WDR47: variants seen among roughly 807,000 people sequenced by gnomAD.
The protein encoded by WDR47 is WD repeat domain 47.
Under a neutral mutation model 97.2 loss-of-function variants are expected in WDR47, and 32 were observed. The observed-to-expected ratio is 0.33, with a 90% CI of 0.25 to 0.44. The LOEUF (loss-of-function observed/expected upper bound fraction) is 0.44, where lower values mean the gene tolerates loss of function less well. Ranked by LOEUF, WDR47 falls within the 20% of genes least tolerant of loss-of-function variation. The pLI is 1.00. For missense variants in WDR47, 782 were observed against 1,102.3 expected (o/e 0.71, Z 4.11); for synonymous variants, 375 against 373.5 (o/e 1.00, Z -0.05).
chr1:109,002,435 G>A (rs1660287330), intron 6 of WDR47, 33 bp from the exon 7 acceptor site: 3 of 1,483,042 alleles, frequency 2.0e-6, no homozygotes, highest in Non-Finnish European at 2.7e-6. Context: ...ATATATATTT[G>A]AGCAAACTAT....
chr1:109,022,622 C>T (rs1661927783), intron 2 of WDR47, among the ~76,000 whole-genome samples: 3 of 152,036 alleles, frequency 2.0e-5, no homozygotes, highest in Non-Finnish European at 2.9e-5. Context: ...TCTCACTCTG[C>T]TGCCCAGGCT....
chr1:109,022,102 A>T lies in WDR47; in HGVS notation c.158+1253T>A, dbSNP rs116015093. Among the ~76,000 whole-genome samples, 952 of 152,050 alleles carry T rather than the reference A, an allele frequency of 6.3e-3. 3 individuals are homozygous for T. The highest frequency in any genetic ancestry group is 0.021 in the African/African-American group (880 of 41,494). ...ACCTCAGGTGATCCGCCTGCCTTGG[A>T]CTCGCAAATGGCTAGGATTGCAGGT... On this transcript the variant is annotated intron_variant, in intron 2 of 14. Coordinates refer to ENST00000369962, the MANE Select transcript of WDR47 (RefSeq NM_001142551.2).
At chr1:108,976,748 C>T (rs188022435) in intron 13 of WDR47, among the ~76,000 whole-genome samples, 10 of 152,118 alleles carry the variant, frequency 6.6e-5, no homozygotes, top group African/African-American at 1.7e-4. Flanking sequence ...CCTAAAGACA[C>T]GAAGGACCTA....
chr1:109,011,556 A>C lies in WDR47; in HGVS notation c.490T>G (p.Cys164Gly). The C allele has an allele frequency of 6.2e-7, 1 of 1,614,196 alleles. No homozygotes were observed. The highest frequency in any genetic ancestry group is 1.1e-5 in the South Asian group (1 of 91,084). The stretch of plus-strand genomic sequence containing the variant: ...ACCATGACACAAGCCTCTTCAAAAC[A>C]GTGAACTCGTGCGGTGCTGGGATTC... Reference protein sequence around the residue: ...DWNPSTARVHCFEEACVMVAE... With the variant: ...DWNPSTARVHGFEEACVMVAE... The change falls in exon 5 of 15, where the codon TGT becomes GGT. Residue 164 changes from cysteine (C) to glycine (G), a missense_variant. Transcript: ENST00000369962.
intron 4 of WDR47, among the ~76,000 whole-genome samples, chr1:109,012,572 C>A (rs376915622): frequency 4.5e-3 from 333 of 73,820 alleles, no homozygotes; most frequent in South Asian, 8.2e-3. Flanking sequence ...GACTCCATCT[C>A]AAAAAAAAAA....
intron 12 of WDR47, 92 bp downstream of exon 12, chr1:108,982,517 G>T: frequency 6.9e-7 from 1 of 1,452,496 alleles, no homozygotes; most frequent in South Asian, 1.4e-5. Flanking sequence ...GTAAGAGCAA[G>T]ACCCTGTCTC....
chr1:108,997,450 G>GA (rs1418204807), intron 7 of WDR47, among the ~76,000 whole-genome samples: 1 of 149,380 alleles, frequency 6.7e-6, no homozygotes, highest in Non-Finnish European at 1.5e-5. Context: ...AAAAGAAAAA[G>GA]AAAAAAAAGG....
intron 7 of WDR47, among the ~76,000 whole-genome samples, chr1:108,996,134 G>A (rs1015290824): frequency 2.0e-5 from 3 of 152,074 alleles, no homozygotes; most frequent in Non-Finnish European, 4.4e-5. Flanking sequence ...TGGCATGATC[G>A]TGGCTCACTG....
intron 5 of WDR47, among the ~76,000 whole-genome samples, chr1:109,006,685 A>C (rs1660649611): frequency 6.6e-6 from 1 of 152,216 alleles, no homozygotes; most frequent in Non-Finnish European, 1.5e-5. Flanking sequence ...AAGATTGCAT[A>C]GCTAGAAAAT....
At chr1:109,018,975 G>A (rs569323335) in intron 2 of WDR47, among the ~76,000 whole-genome samples, 71 of 152,172 alleles carry the variant, frequency 4.7e-4, no homozygotes, top group African/African-American at 1.6e-3. Context: ...AGGCTGAGGT[G>A]GGATAATCGC....
chr1:108,974,228 G>A (rs912950931), intron 14 of WDR47, among the ~76,000 whole-genome samples: 1 of 152,036 alleles, frequency 6.6e-6, no homozygotes, highest in Non-Finnish European at 1.5e-5. Flanking sequence ...GGTGGCTCAC[G>A]CCTGTAATCC....
At chr1:108,982,262 G>A (rs1658400514) in intron 12 of WDR47, among the ~76,000 whole-genome samples, 1 of 152,126 alleles carries the variant, frequency 6.6e-6, no homozygotes, top group Non-Finnish European at 1.5e-5. Context: ...GCCAGGCATG[G>A]TGGCTCATGC....
intron 5 of WDR47, among the ~76,000 whole-genome samples, chr1:109,006,124 G>A (rs1365600141): frequency 3.9e-5 from 6 of 152,114 alleles, no homozygotes; most frequent in Non-Finnish European, 7.3e-5. Flanking sequence ...GCTGGGCACA[G>A]TGGCTCACAT....
chr1:108,986,829 G>T, intron 9 of WDR47, 149 bp from the exon 10 acceptor site: 2 of 659,646 alleles, frequency 3.0e-6, no homozygotes, highest in African/African-American at 1.8e-5. Flanking sequence ...TTTTCTCTAT[G>T]TTTTTCTTAC....
rs776888450 is a variant in WDR47, at chr1:109,011,562, C to T, written c.484G>A (p.Val162Ile). The T allele has an allele frequency of 2.5e-6, 4 of 1,614,154 alleles. No individual in the cohort carries two copies. In the South Asian group the frequency reaches 3.3e-5, roughly 13 times the overall value. Residue 162 changes from valine to isoleucine, a missense_variant, in exon 5 of 15, where the codon GTT becomes ATT. By Grantham distance (29) the Val-to-Ile change is conservative. This residue lies in a region of WDR47 where 428 missense variants were observed against 584.3 expected (regional missense o/e 0.73). Coordinates refer to ENST00000369962, the MANE Select transcript of WDR47 (RefSeq NM_001142551.2). Reference protein sequence around the residue: ...FKDWNPSTARVHCFEEACVMV... With the variant: ...FKDWNPSTARIHCFEEACVMV... ...ACACAAGCCTCTTCAAAACAGTGAA[C>T]TCGTGCGGTGCTGGGATTCCAGTCC...
intron 13 of WDR47, among the ~76,000 whole-genome samples, chr1:108,977,863 A>C (rs190078407): frequency 6.6e-6 from 1 of 152,144 alleles, no homozygotes; most frequent in Non-Finnish European, 1.5e-5. Context: ...ACGCACCTGT[A>C]GTCCTAGCTA....
chr1:108,970,651 C>T lies in WDR47; in HGVS notation c.*779G>A, dbSNP rs1465238807. ...AAATTTACTGTACCATCAAGTGTTG[C>T]ATCACATAACTGCTGCTGCTCTGCT... On this transcript the variant is annotated 3_prime_UTR_variant, in exon 15 of 15. Coordinates refer to ENST00000369962, the MANE Select transcript of WDR47 (RefSeq NM_001142551.2). 6.6e-6 allele frequency: 1 copy of T among 152,610 alleles called. No homozygotes were observed. The highest frequency in any genetic ancestry group is 1.5e-5 in the Non-Finnish European group (1 of 68,038). The allele number at this position is 152,610 out of a possible 1,614,324, so 9.5% of individuals were successfully genotyped here. A position where few individuals can be genotyped will look rare whatever the true frequency, so the allele number is the denominator to read the frequency against.
chr1:109,020,418 G>A lies in WDR47; in HGVS notation c.159-2817C>T, dbSNP rs577123262. Among the ~76,000 whole-genome samples, 35 of 151,764 alleles carry A rather than the reference G, an allele frequency of 2.3e-4. No individual in the cohort carries two copies. The South Asian group carries it at 3.7e-3, about 16-fold the overall frequency. On this transcript the variant is annotated intron_variant, in intron 2 of 14. Coordinates refer to ENST00000369962, the MANE Select transcript of WDR47 (RefSeq NM_001142551.2). ...TAGGACTACAGGCACCCGCCACCAC[G>A]CCTGGCTAATTTTTTGTATTTTTAG...
intron 13 of WDR47, among the ~76,000 whole-genome samples, chr1:108,981,294 G>A (rs1658327618): frequency 6.6e-6 from 1 of 151,960 alleles, no homozygotes; most frequent in African/African-American, 2.4e-5. Flanking sequence ...AGGGAGATTA[G>A]GGTACATACA....
Sources: allele counts gnomAD v4.1 joint callset (sites outside exome capture counted in the v4.1 genomes callset), GRCh38; gene constraint gnomAD v4.1.1; regional missense constraint gnomAD v4.1.1; transcripts MANE v1.5; gene names NCBI Gene and HGNC (gene_info 2026-07-23, HGNC 2026-07-21).